The following SPECC1L variants were observed in gnomAD, a reference collection of about 807,000 sequenced individuals.
SPECC1L encodes cytospin-A.
SPECC1L carries 40 observed loss-of-function variants against 116.8 expected under a neutral mutation model. That is an observed-to-expected ratio of 0.34 (90% CI 0.27 to 0.45). The LOEUF (loss-of-function observed/expected upper bound fraction) is 0.45. SPECC1L is among the 20% of genes least tolerant of loss of function. The pLI is 1.00. For missense variants in SPECC1L, 1,110 were observed against 1,373.6 expected, an observed-to-expected ratio of 0.81 and a Z score of 3.03; for synonymous variants, 504 against 500.6, an observed-to-expected ratio of 1.01 and a Z score of -0.09.
chr22:24,408,023 G>T (rs2042624598), intron 14 of SPECC1L, among the ~76,000 whole-genome samples: 1 of 152,146 alleles, frequency 6.6e-6, no homozygotes, highest in Non-Finnish European at 1.5e-5. Context: ...TGAGTGTCTT[G>T]GCCTCTCGGA....
At chr22:24,324,563 G>C (rs1036325751) in intron 6 of SPECC1L, 136 bp downstream of exon 6, 1 of 797,342 alleles carries the variant, frequency 1.3e-6, no homozygotes, top group Non-Finnish European at 2.1e-6. Flanking sequence ...GTTCAAAACC[G>C]AACCAGGCTG....
At chr22:24,350,754 T>C (rs909769502) in intron 11 of SPECC1L, among the ~76,000 whole-genome samples, 1 of 152,208 alleles carries the variant, frequency 6.6e-6, no homozygotes, top group Non-Finnish European at 1.5e-5. Context: ...GTTCTGTCAA[T>C]AGTCAGCCTT....
intron 14 of SPECC1L, among the ~76,000 whole-genome samples, chr22:24,401,745 C>T (rs571614484): frequency 6.6e-5 from 10 of 152,306 alleles, no homozygotes; most frequent in East Asian, 1.9e-4. Flanking sequence ...TTCAGTTTTT[C>T]AAATGGTGAG....
chr22:24,354,115 C>T (rs1350566238), intron 11 of SPECC1L, among the ~76,000 whole-genome samples: 2 of 152,138 alleles, frequency 1.3e-5, no homozygotes, highest in African/African-American at 2.4e-5. Context: ...CACTTTTAAA[C>T]AACCAGATCT....
At chr22:24,355,501 T>C (rs1321418772) in intron 11 of SPECC1L, among the ~76,000 whole-genome samples, 2 of 152,034 alleles carry the variant, frequency 1.3e-5, no homozygotes, top group African/African-American at 4.8e-5. Context: ...CTATCTTATT[T>C]GTCTGTCTGT....
At chr22:24,337,608 A>G (rs1170357600) in intron 9 of SPECC1L, among the ~76,000 whole-genome samples, 1 of 152,272 alleles carries the variant, frequency 6.6e-6, no homozygotes, top group African/African-American at 2.4e-5. Flanking sequence ...ATAAGAATAC[A>G]TCTAAAGATA....
At chr22:24,285,523 C>T (rs1026429513) in intron 2 of SPECC1L, among the ~76,000 whole-genome samples, 1 of 152,156 alleles carries the variant, frequency 6.6e-6, no homozygotes, top group Non-Finnish European at 1.5e-5. Context: ...TATGTAAATT[C>T]ATGAATACAA....
At chr22:24,315,003 T>G (rs988988548) in intron 4 of SPECC1L, among the ~76,000 whole-genome samples, 2 of 152,276 alleles carry the variant, frequency 1.3e-5, no homozygotes, top group African/African-American at 4.8e-5. Flanking sequence ...AATGCTCTCA[T>G]ATTTTACTTC....
chr22:24,414,202 T>C (rs1196386840), intron 16 of SPECC1L, among the ~76,000 whole-genome samples: 2 of 151,792 alleles, frequency 1.3e-5, no homozygotes, highest in Non-Finnish European at 2.9e-5. Context: ...CTCAGAAGGG[T>C]CCCCCAAGGA....
Position 24,293,385 on chromosome 22 carries a change from G to A in SPECC1L, c.-37-8810G>A, listed in dbSNP as rs1208132555. On this transcript the variant is annotated intron_variant, in intron 2 of 16. Transcript: ENST00000314328. ...GGAGAATTGCTTGAACCCGGGAGGC[G>A]GAGGTTGCAGTGAGCCGAGGTCGTG... 1.8e-4 allele frequency among the ~76,000 whole-genome samples: 28 copies of A among 152,066 alleles called. No individual in the cohort carries two copies. The South Asian group carries it at 3.4e-3, about 19-fold the overall frequency.
chr22:24,277,859 A>G (rs1325236044), intron 2 of SPECC1L, among the ~76,000 whole-genome samples: 1 of 152,194 alleles, frequency 6.6e-6, no homozygotes, highest in Non-Finnish European at 1.5e-5. Flanking sequence ...TTCCTCTACA[A>G]ATTTTTGTGT....
At chr22:24,310,533 C>CT (rs1003953639) in intron 3 of SPECC1L, among the ~76,000 whole-genome samples, 2 of 152,184 alleles carry the variant, frequency 1.3e-5, no homozygotes, top group African/African-American at 4.8e-5. Context: ...GTTTACCAAT[C>CT]TGTTAAGTGA....
chr22:24,381,432 G>T lies in SPECC1L; in HGVS notation c.3087+12112G>T, dbSNP rs62233979. Reference sequence around the variant, plus strand: ...ACATTGAGAATACAGTTTTATTGGGGGATGTACTTCATTAATATGTGGGCC... The same window carrying T: ...ACATTGAGAATACAGTTTTATTGGGTGATGTACTTCATTAATATGTGGGCC... On this transcript the variant is annotated intron_variant, in intron 14 of 16. Transcript: ENST00000314328. Among the ~76,000 whole-genome samples, 1,123 of 152,216 alleles carry T rather than the reference G, an allele frequency of 7.4e-3. 6 individuals carry two copies. Among genetic ancestry groups the T allele is most frequent in the South Asian group, 0.013 (61 of 4,824 alleles).
chr22:24,371,010 T>A (rs1317101250), intron 14 of SPECC1L, among the ~76,000 whole-genome samples: 1 of 152,090 alleles, frequency 6.6e-6, no homozygotes, highest in Non-Finnish European at 1.5e-5. Flanking sequence ...GGTAGCACAA[T>A]CATATGAGTA....
At chr22:24,414,382 T>G (rs2042762712) in intron 16 of SPECC1L, 152 bp from the exon 17 acceptor site, 1 of 711,756 alleles carries the variant, frequency 1.4e-6, no homozygotes, top group Non-Finnish European at 2.5e-6. Flanking sequence ...GGAGGAAGCA[T>G]TCTTGGCCAG....
rs2040914118 is a variant in SPECC1L at position 24,330,378 on chromosome 22, T to C, written c.2343T>C (p.Ala781=). ...ATCTAAAGCGCCGGTTACATGAGGC[T>C]CAAGAAAAAAATGAGAAACTCACAA... ...IGDLKRRLHE[A]QEKNEKLTKE... The change falls in exon 8 of 17, where the codon GCT becomes GCC. Residue 781 remains alanine (A), a synonymous_variant. Coordinates refer to ENST00000314328, the MANE Select transcript of SPECC1L (RefSeq NM_015330.6). 1 of 1,613,888 alleles carries C rather than the reference T, an allele frequency of 6.2e-7. No individual in the cohort carries two copies. The highest frequency in any genetic ancestry group is 8.5e-7 in the Non-Finnish European group (1 of 1,180,008).
At chr22:24,291,899 A>G (rs2049163273) in intron 2 of SPECC1L, among the ~76,000 whole-genome samples, 1 of 152,228 alleles carries the variant, frequency 6.6e-6, no homozygotes, top group African/African-American at 2.4e-5. Flanking sequence ...TTGTTTTTGA[A>G]TAAGCACAGA....
intron 14 of SPECC1L, among the ~76,000 whole-genome samples, chr22:24,402,527 C>T (rs566014623): frequency 6.6e-6 from 1 of 152,312 alleles, no homozygotes; most frequent in Admixed American, 6.5e-5. Flanking sequence ...ACTCTTACCT[C>T]ATGAGGCTGG....
At chr22:24,287,045 T>TG (rs886901784) in intron 2 of SPECC1L, among the ~76,000 whole-genome samples, 5 of 152,070 alleles carry the variant, frequency 3.3e-5, no homozygotes, top group African/African-American at 2.4e-5. Context: ...GTAAGAGGGA[T>TG]GGGGGGCCAA....
Sources: allele counts gnomAD v4.1 joint callset (sites outside exome capture counted in the v4.1 genomes callset), GRCh38; gene constraint gnomAD v4.1.1; transcripts MANE v1.5; gene names NCBI Gene and HGNC (gene_info 2026-07-23, HGNC 2026-07-21).